The following HPSE2 variants were observed in gnomAD, a reference collection of about 807,000 sequenced individuals.
HPSE2 encodes heparanase 2 (inactive), also known as inactive heparanase-2.
In HPSE2, 38 loss-of-function variants were observed where a neutral mutation model predicts 60.5. That is an observed-to-expected ratio of 0.63 (90% CI 0.48 to 0.82). HPSE2 has a LOEUF of 0.82. HPSE2 is among the 40% of genes least tolerant of loss of function. The pLI is 0.00. For missense variants in HPSE2, 713 were observed against 740.4 expected (o/e 0.96, Z 0.43); for synonymous variants, 295 against 293.2 (o/e 1.01, Z -0.06).
At chr10:98,775,808 G>A (rs749118683) in intron 3 of HPSE2, among the ~76,000 whole-genome samples, 17 of 151,998 alleles carry the variant, frequency 1.1e-4, no homozygotes, top group Non-Finnish European at 2.4e-4. Flanking sequence ...CAACTCACAG[G>A]CATTTCAACT....
chr10:98,690,192 G>A (rs1051704409), intron 6 of HPSE2, among the ~76,000 whole-genome samples: 2 of 152,070 alleles, frequency 1.3e-5, no homozygotes, highest in Non-Finnish European at 2.9e-5. Flanking sequence ...AAGCCAATAT[G>A]AGCATGCATT....
At chr10:98,499,956 C>T (rs567897611) in intron 9 of HPSE2, among the ~76,000 whole-genome samples, 1 of 152,248 alleles carries the variant, frequency 6.6e-6, no homozygotes, top group South Asian at 2.1e-4. Flanking sequence ...AAGGCCTTGG[C>T]TAACAGGAAA....
At chr10:98,591,215 A>T (rs1300836047) in intron 9 of HPSE2, among the ~76,000 whole-genome samples, 1 of 152,238 alleles carries the variant, frequency 6.6e-6, no homozygotes, top group African/African-American at 2.4e-5. Context: ...CAAAAATGAG[A>T]TAGTAATATT....
intron 7 of HPSE2, among the ~76,000 whole-genome samples, chr10:98,637,265 A>G (rs1197177972): frequency 6.6e-6 from 1 of 152,218 alleles, no homozygotes; most frequent in Non-Finnish European, 1.5e-5. Context: ...GTTTTTAGCA[A>G]TTGAGTCATT....
intron 2 of HPSE2, among the ~76,000 whole-genome samples, chr10:99,203,269 A>C (rs1848635882): frequency 6.6e-6 from 1 of 151,918 alleles, no homozygotes; most frequent in Non-Finnish European, 1.5e-5. Context: ...GATCCTAGAC[A>C]ATCCCCAGCT....
intron 2 of HPSE2, among the ~76,000 whole-genome samples, chr10:99,212,688 A>C (rs980793365): frequency 6.6e-6 from 1 of 152,202 alleles, no homozygotes. Context: ...AATTTCAGTT[A>C]TAAAAGAATA....
At chr10:98,701,640 T>G (rs1948412007) in intron 5 of HPSE2, among the ~76,000 whole-genome samples, 1 of 91,940 alleles carries the variant, frequency 1.1e-5, no homozygotes, top group Non-Finnish European at 2.5e-5. Flanking sequence ...TAAAGTATAA[T>G]AATAATAAAA....
At chr10:98,685,040 G>C (rs1323557801) in intron 6 of HPSE2, among the ~76,000 whole-genome samples, 1 of 152,232 alleles carries the variant, frequency 6.6e-6, no homozygotes, top group East Asian at 1.9e-4. Flanking sequence ...AAAGTGGGAA[G>C]AATTGTATAG....
At chr10:98,819,845 G>A (rs1287431670) in intron 3 of HPSE2, among the ~76,000 whole-genome samples, 3 of 151,944 alleles carry the variant, frequency 2.0e-5, no homozygotes, top group South Asian at 2.1e-4. Flanking sequence ...ATCTTGTGGC[G>A]CCTAGTACTA....
intron 3 of HPSE2, among the ~76,000 whole-genome samples, chr10:98,899,272 T>C (rs371950049): frequency 4.6e-5 from 7 of 152,322 alleles, no homozygotes; most frequent in East Asian, 1.9e-4. Context: ...GGGCTCTAGA[T>C]AGAACAACAA....
chr10:98,660,130 G>T (rs1470936295), intron 6 of HPSE2, among the ~76,000 whole-genome samples: 1 of 152,116 alleles, frequency 6.6e-6, no homozygotes, highest in African/African-American at 2.4e-5. Flanking sequence ...TGCTGCTGGG[G>T]GGCAGATCAA....
In HPSE2 at chr10:98,940,448, C is replaced by T. The variant is rs1372296631; in HGVS notation, c.611-196392G>A. On this transcript the variant is annotated intron_variant, in intron 3 of 11. Coordinates refer to ENST00000370552, the MANE Select transcript of HPSE2 (RefSeq NM_021828.5). ...TACAAACTACCATCAGAGAATACTA[C>T]AAACACCTCTACGCAAATAAACTAG... Among the ~76,000 whole-genome samples the T allele has an allele frequency of 4.7e-4, 68 of 143,646 alleles. 11 individuals carry two copies. The highest frequency in any genetic ancestry group is 1.6e-3 in the African/African-American group (58 of 35,390). The allele number at this position is 143,646 out of a possible 152,430, so 94.2% of individuals were successfully genotyped here. A position where few individuals can be genotyped will look rare whatever the true frequency, so the allele number is the denominator to read the frequency against.
At position 98,931,697 on chromosome 10, in the gene HPSE2, G is replaced by A. The variant is rs529354808; in HGVS notation, c.611-187641C>T. ...AGGTCCTTCACTACCCTCATTAGCTGTATTCCTAGGTATTTTATTCTCTTT... is the reference window on the plus strand; with the variant it reads ...AGGTCCTTCACTACCCTCATTAGCTATATTCCTAGGTATTTTATTCTCTTT... On this transcript the variant is annotated intron_variant, in intron 3 of 11. Coordinates refer to ENST00000370552, the MANE Select transcript of HPSE2 (RefSeq NM_021828.5). 2.1e-5 allele frequency among the ~76,000 whole-genome samples: 3 copies of A among 143,330 alleles called. 1 individual carries two copies. The highest frequency in any genetic ancestry group is 4.5e-5 in the Non-Finnish European group (3 of 67,090). 94.0% of individuals were successfully genotyped at this position (143,330 alleles called of 152,430 possible). A position where few individuals can be genotyped will look rare whatever the true frequency, so the allele number is the denominator to read the frequency against.
At chr10:98,657,267 C>A (rs1383687437) in intron 6 of HPSE2, among the ~76,000 whole-genome samples, 1 of 147,666 alleles carries the variant, frequency 6.8e-6, no homozygotes, top group Non-Finnish European at 1.5e-5. Context: ...CTTATTTATA[C>A]AAAGCAATGC....
At chr10:98,925,185 G>A (rs1325397280) in intron 3 of HPSE2, among the ~76,000 whole-genome samples, 5 of 152,014 alleles carry the variant, frequency 3.3e-5, no homozygotes, top group South Asian at 2.1e-4. Flanking sequence ...TGAATATGAC[G>A]TTAAATCCAA....
chr10:98,668,130 A>G (rs965769656), intron 6 of HPSE2, among the ~76,000 whole-genome samples: 4 of 152,200 alleles, frequency 2.6e-5, no homozygotes, highest in African/African-American at 9.6e-5. Flanking sequence ...ATAACATTCT[A>G]GCTGAAAGCC....
At chr10:99,055,142 A>AC (rs1958082255) in intron 3 of HPSE2, among the ~76,000 whole-genome samples, 1 of 152,252 alleles carries the variant, frequency 6.6e-6, no homozygotes, top group Non-Finnish European at 1.5e-5. Flanking sequence ...CCAAAAAAGC[A>AC]TTTTAATTGG....
chr10:98,615,385 G>C (rs1945878955), intron 8 of HPSE2, among the ~76,000 whole-genome samples: 1 of 152,188 alleles, frequency 6.6e-6, no homozygotes, highest in Admixed American at 6.5e-5. Flanking sequence ...TACAATTACA[G>C]AAGAGCGCAC....
At chr10:98,499,077 T>C (rs944144360) in intron 9 of HPSE2, among the ~76,000 whole-genome samples, 1 of 152,190 alleles carries the variant, frequency 6.6e-6, no homozygotes, top group African/African-American at 2.4e-5. Context: ...GAAAACATAT[T>C]TGGGGGAATA....
Sources: gnomAD v4.1 joint callset for allele counts (sites outside exome capture counted in the v4.1 genomes callset) on GRCh38, gnomAD v4.1.1 for gene constraint, MANE v1.5 for transcripts, NCBI Gene and HGNC (gene_info 2026-07-23, HGNC 2026-07-21) for gene names.